ANOS1: variants seen among roughly 807,000 people sequenced by gnomAD.
ANOS1 encodes the protein anosmin-1.
A neutral mutation model predicts 59.0 loss-of-function variants in ANOS1; 6 were observed. That is an observed-to-expected ratio of 0.10 (90% CI 0.06 to 0.20). ANOS1 has a LOEUF of 0.20. Among genes scored for constraint, ANOS1 ranks in the 10% least tolerant of loss-of-function variants. The pLI is 1.00. For missense variants in ANOS1, 433 were observed against 542.3 expected (o/e 0.80, Z 2.00); for synonymous variants, 217 against 223.4 (o/e 0.97, Z 0.25).
intron 4 of ANOS1, among the ~76,000 whole-genome samples, chrX:8,594,666 A>ATATG (rs1930686066): frequency 9.5e-5 from 2 of 21,057 alleles, no homozygotes; most frequent in South Asian, 4.5e-3. Context: ...GTGTATATAT[A>ATATG]TATATATATA....
At chrX:8,568,744 C>G (rs985263295) in intron 7 of ANOS1, among the ~76,000 whole-genome samples, 1 of 110,670 alleles carries the variant, frequency 9.0e-6, no homozygotes, top group Non-Finnish European at 1.9e-5. Flanking sequence ...AAGATTGAAC[C>G]CAGGAGGTTG....
At chrX:8,570,366 GA>G in intron 7 of ANOS1, 132 bp downstream of exon 7, 1 of 588,122 alleles carries the variant, frequency 1.7e-6, no homozygotes, top group Non-Finnish European at 2.9e-6. Context: ...TTCCTCGGTA[GA>G]AATGAATGGG....
At chrX:8,594,673 T>TATATATACAC (rs1411285604) in intron 4 of ANOS1, among the ~76,000 whole-genome samples, 5 of 55,798 alleles carry the variant, frequency 9.0e-5, no homozygotes, top group Non-Finnish European at 3.1e-5. Flanking sequence ...TATATATATA[T>TATATATACAC]ATATATATAT....
At chrX:8,564,650 C>G (rs974643349) in intron 8 of ANOS1, among the ~76,000 whole-genome samples, 2 of 111,868 alleles carry the variant, frequency 1.8e-5, no homozygotes, top group South Asian at 7.5e-4. Context: ...GGTCTAGAAA[C>G]TGCATGGTGA....
At chrX:8,566,120 C>T (rs1930108192) in intron 8 of ANOS1, 1 of 753,128 alleles carries the variant, frequency 1.3e-6, no homozygotes, top group Admixed American at 8.7e-5. Flanking sequence ...CTGCAGATCG[C>T]TCACTCTTCA....
intron 3 of ANOS1, among the ~76,000 whole-genome samples, chrX:8,602,779 G>A (rs5934452): frequency 0.38 from 41,610 of 109,118 alleles, 5,740 homozygotes; most frequent in South Asian, 0.43. Context: ...TCACTCTGTC[G>A]CCAGGCTAGA....
chrX:8,581,999 A>G (rs193039121), intron 6 of ANOS1, among the ~76,000 whole-genome samples: 181 of 111,951 alleles, frequency 1.6e-3, no homozygotes, highest in African/African-American at 5.5e-3. Flanking sequence ...TTCCTCATAT[A>G]TTGAACAAGG....
At position 8,587,929 on chromosome X, in the gene ANOS1, A is replaced by G. The variant is rs1239180267; in HGVS notation, c.591T>C (p.Ser197=). 1 of 1,210,156 alleles carries G rather than the reference A, an allele frequency of 8.3e-7. No homozygotes were observed. The highest frequency in any genetic ancestry group is 2.3e-4 in the Middle Eastern group (1 of 4,348). Residue 197 remains serine, a synonymous_variant, in exon 5 of 14, where the codon TCT becomes TCC. Coordinates refer to ENST00000262648, the MANE Select transcript of ANOS1 (RefSeq NM_000216.4). ...AGGACCACTTAACCTCCAGCTGTCC[A>G]GACTGCAGTTCTGTAAATCGTAACT... ...RKELRFTELQ[S]GQLEVKWSSK...
intron 2 of ANOS1, among the ~76,000 whole-genome samples, chrX:8,625,879 G>A (rs937893432): frequency 1.4e-4 from 15 of 110,055 alleles, no homozygotes; most frequent in Non-Finnish European, 2.6e-4. Context: ...TTGGGAGGCC[G>A]AGGCGGGCAG....
chrX:8,654,333 G>C lies in ANOS1; in HGVS notation c.256-30663C>G, dbSNP rs964326649. Among the ~76,000 whole-genome samples the C allele has an allele frequency of 3.6e-5, 4 of 111,892 alleles. No homozygotes were observed. The East Asian group carries it at 1.1e-3, about 31-fold the overall frequency. On this transcript the variant is annotated intron_variant, in intron 2 of 13. Coordinates refer to ENST00000262648, the MANE Select transcript of ANOS1 (RefSeq NM_000216.4). The stretch of plus-strand genomic sequence containing the variant: ...AAGACAATCTGTGCTCTGCTCCAAA[G>C]GAATAGAATTCCATAAAAGAAAAAA...
At chrX:8,713,695 C>A (rs143387297) in intron 1 of ANOS1, among the ~76,000 whole-genome samples, 1,288 of 109,678 alleles carry the variant, frequency 0.012, 26 homozygotes, top group African/African-American at 0.041. Context: ...TCACTGCAAC[C>A]TCCGCCTCCC....
intron 9 of ANOS1, among the ~76,000 whole-genome samples, chrX:8,540,166 A>C (rs977035910): frequency 6.3e-5 from 7 of 111,750 alleles, no homozygotes; most frequent in Admixed American, 4.8e-4. Context: ...TCCTGTTGCA[A>C]AAGAGAATCA....
intron 2 of ANOS1, among the ~76,000 whole-genome samples, chrX:8,692,222 T>A (rs139852149): frequency 0.018 from 1,954 of 111,518 alleles, 46 homozygotes; most frequent in African/African-American, 0.062. Context: ...TACAGGAAAT[T>A]GAAATTTTAC....
At chrX:8,642,492 C>G (rs1028617533) in intron 2 of ANOS1, among the ~76,000 whole-genome samples, 1 of 109,067 alleles carries the variant, frequency 9.2e-6, no homozygotes, top group African/African-American at 3.3e-5. Context: ...ACTATTTAAA[C>G]AAGTAAATTG....
At chrX:8,566,794 C>T (rs1299995806) in intron 8 of ANOS1, among the ~76,000 whole-genome samples, 2 of 111,580 alleles carry the variant, frequency 1.8e-5, no homozygotes, top group Admixed American at 9.5e-5. Context: ...TTTTTTGAAG[C>T]ATTATTTCAA....
At chrX:8,707,157 C>T (rs1289891069) in intron 1 of ANOS1, among the ~76,000 whole-genome samples, 3 of 111,910 alleles carry the variant, frequency 2.7e-5, no homozygotes, top group Non-Finnish European at 5.6e-5. Context: ...AAAGCTTTGG[C>T]GGTAGTGTCT....
At chrX:8,586,335 G>A (rs991109168) in intron 5 of ANOS1, among the ~76,000 whole-genome samples, 3 of 112,202 alleles carry the variant, frequency 2.7e-5, no homozygotes, top group African/African-American at 6.5e-5. Flanking sequence ...GAACATTTCT[G>A]AGATCAAAGG....
At position 8,651,146 on chromosome X, in the gene ANOS1, G is replaced by A. The variant is rs1320496597; in HGVS notation, c.256-27476C>T. ...CCTGGGAACTCTGGAGCCGCTGAGG[G>A]CGGCCAAGCCACAGAAAGCAGGGCT... is the stretch of plus-strand genomic sequence containing the variant. On this transcript the variant is annotated intron_variant, in intron 2 of 13. Transcript: ENST00000262648. Among the ~76,000 whole-genome samples the A allele has an allele frequency of 4.5e-5, 5 of 112,232 alleles. No individual in the cohort carries two copies. In the East Asian group the frequency reaches 1.4e-3, roughly 32 times the overall value.
At chrX:8,545,595 C>A (rs749233491) in intron 9 of ANOS1, among the ~76,000 whole-genome samples, 1 of 112,076 alleles carries the variant, frequency 8.9e-6, no homozygotes, top group African/African-American at 3.2e-5. Flanking sequence ...TCTCCCAGAG[C>A]ATTCACTATT....
Sources: allele counts gnomAD v4.1 joint callset (sites outside exome capture counted in the v4.1 genomes callset), GRCh38; gene constraint gnomAD v4.1.1; transcripts MANE v1.5; gene names NCBI Gene and HGNC (gene_info 2026-07-23, HGNC 2026-07-21).